The following PCDH9 variants were observed in gnomAD, a reference collection of about 807,000 sequenced individuals.
PCDH9 encodes the protein protocadherin-9.
A neutral mutation model predicts 70.6 loss-of-function variants in PCDH9; 24 were observed. The ratio of observed to expected loss-of-function variants is 0.34; its 90% CI spans 0.25 to 0.48. The LOEUF (loss-of-function observed/expected upper bound fraction) is 0.48, where lower values mean the gene tolerates loss of function less well. Among genes scored for constraint, PCDH9 ranks in the 20% least tolerant of loss-of-function variants. The pLI, the probability that PCDH9 is intolerant of heterozygous loss-of-function variation, is 0.99. For synonymous variants in PCDH9, 562 were observed against 558.5 expected (o/e 1.01, Z -0.09); for missense variants, 1,281 against 1,503.6 (o/e 0.85, Z 2.45).
In PCDH9 at chr13:67,228,295, A is replaced by T. The variant is rs1172867806; in HGVS notation, c.146T>A (p.Ile49Asn). Residue 49 changes from isoleucine to asparagine, a missense_variant, in exon 2 of 5, where the codon ATT (isoleucine) becomes AAT (asparagine). Around this residue, in one of 4 missense-constraint regions of PCDH9, gnomAD observed 798 missense variants for 1,003.1 expected, o/e 0.80. Transcript: ENST00000377865. Reference protein sequence around the residue: ...PIGNIPKDLNISHINAATGTS... With the variant: ...PIGNIPKDLNNSHINAATGTS... ...CCCTGTGGCAGCATTGATGTGAGAA[A>T]TGTTCAGATCCTTTGGTATGTTTCC... is the stretch of plus-strand genomic sequence containing the variant. 1 of 1,614,160 alleles carries T rather than the reference A, an allele frequency of 6.2e-7. No homozygotes were observed.
rs2089396971 is a variant in PCDH9 at position 67,208,252 on chromosome 13, T to C, written c.3036+17153A>G. 3 of 152,156 alleles carry C rather than the reference T, an allele frequency of 2.0e-5. No individual in the cohort carries two copies. In the South Asian group the frequency reaches 6.2e-4, roughly 31 times the overall value. The allele number at this position is 152,156 out of a possible 1,614,324, so 9.4% of individuals were successfully genotyped here. A position where few individuals can be genotyped will look rare whatever the true frequency, so the allele number is the denominator to read the frequency against. On this transcript the variant is annotated intron_variant, in intron 2 of 4. Coordinates refer to ENST00000377865, the MANE Select transcript of PCDH9 (RefSeq NM_203487.3). ...TATGCAAAAATCCTTGCGTGTTCAT[T>C]TGACACAAACTATTTTTTTGTTTTA... is the stretch of plus-strand genomic sequence containing the variant.
At position 66,304,816 on chromosome 13, in the gene PCDH9, C is replaced by G. The variant is rs1400805056; in HGVS notation, c.3553G>C (p.Glu1185Gln). The G allele has an allele frequency of 3.7e-6, 6 of 1,613,414 alleles. No homozygotes were observed. The Admixed American group carries it at 5.0e-5, about 13-fold the overall frequency. Reference protein sequence around the residue: ...NGHTLTRAWKEDSNRNQFNDR... With the variant: ...NGHTLTRAWKQDSNRNQFNDR... ...TTGAACTGGTTCCTGTTGCTGTCTT[C>G]TTTCCAGGCTCTGGTCAGGGTGTGC... Residue 1185 changes from glutamate to glutamine, a missense_variant, in exon 5 of 5, where the codon GAA (glutamate) becomes CAA (glutamine). Physicochemically the swap from Glu to Gln is conservative, Grantham distance 29. Coordinates refer to ENST00000377865, the MANE Select transcript of PCDH9 (RefSeq NM_203487.3).
intron 2 of PCDH9, among the ~76,000 whole-genome samples, chr13:66,952,802 G>A (rs1048779590): frequency 1.6e-4 from 25 of 151,974 alleles, no homozygotes; most frequent in Non-Finnish European, 1.0e-4. Context: ...GCAGGGGCAC[G>A]GAACTTAGGT....
chr13:66,799,196 G>T (rs1334555299), intron 3 of PCDH9, among the ~76,000 whole-genome samples: 3 of 152,080 alleles, frequency 2.0e-5, no homozygotes, highest in African/African-American at 7.2e-5. Flanking sequence ...TTGTTCTCTA[G>T]AAGCTCTGTG....
chr13:67,113,741 G>A (rs2086705604), intron 2 of PCDH9, among the ~76,000 whole-genome samples: 1 of 152,078 alleles, frequency 6.6e-6, no homozygotes. Context: ...TAGAGAGGGG[G>A]TTTCACTGCT....
chr13:66,523,676 T>C (rs1246068838), intron 4 of PCDH9, among the ~76,000 whole-genome samples: 8 of 151,344 alleles, frequency 5.3e-5, no homozygotes, highest in Admixed American at 5.3e-4. Context: ...GAGGGTGGAG[T>C]GTAGCATCAG....
chr13:66,695,715 T>C (rs12583568), intron 3 of PCDH9, among the ~76,000 whole-genome samples: 46,696 of 152,064 alleles, frequency 0.31, 8,184 homozygotes, highest in East Asian at 0.51. Flanking sequence ...TTTAGCTCTA[T>C]AAAAATATTT....
intron 3 of PCDH9, among the ~76,000 whole-genome samples, chr13:66,737,819 A>G (rs545886401): frequency 6.6e-5 from 10 of 152,230 alleles, no homozygotes; most frequent in African/African-American, 2.4e-4. Flanking sequence ...ACGAGACTAT[A>G]TCCCACACCT....
chr13:66,657,041 C>CT (rs1459254482), intron 3 of PCDH9, among the ~76,000 whole-genome samples: 1 of 152,126 alleles, frequency 6.6e-6, no homozygotes, highest in African/African-American at 2.4e-5. Flanking sequence ...AGACAAAAGC[C>CT]TATGTCCATT....
chr13:67,223,361 T>C (rs530149993), intron 2 of PCDH9: 1 of 152,200 alleles, frequency 6.6e-6, no homozygotes, highest in Non-Finnish European at 1.5e-5. Flanking sequence ...AATGCTAATA[T>C]CACCACGTAT....
At position 66,393,242 on chromosome 13, in the gene PCDH9, G is replaced by T. The variant is rs543974259; in HGVS notation, c.3341-88214C>A. On this transcript the variant is annotated intron_variant, in intron 4 of 4. Coordinates refer to ENST00000377865, the MANE Select transcript of PCDH9 (RefSeq NM_203487.3). ...ATAATAGAAAATTCAGAATACAGGT[G>T]GTATTTCATGTCTACAAGTAGCCAC... Among the ~76,000 whole-genome samples, 10 of 152,168 alleles carry T rather than the reference G, an allele frequency of 6.6e-5. No homozygotes were observed. The South Asian group carries it at 2.1e-3, about 32-fold the overall frequency.
At chr13:66,559,596 C>T (rs1007885905) in intron 4 of PCDH9, among the ~76,000 whole-genome samples, 4 of 151,646 alleles carry the variant, frequency 2.6e-5, no homozygotes, top group South Asian at 2.1e-4. Flanking sequence ...GTCATGAGAT[C>T]GAGACCATCC....
chr13:66,555,419 G>GA (rs4053724), intron 4 of PCDH9, among the ~76,000 whole-genome samples: 124,987 of 143,480 alleles, frequency 0.87, 54,622 homozygotes, highest in East Asian at 0.96. Flanking sequence ...ACATTCTGGG[G>GA]AAAAAAAAAA....
intron 3 of PCDH9, among the ~76,000 whole-genome samples, chr13:66,751,399 T>G (rs2079456437): frequency 6.6e-6 from 1 of 152,250 alleles, no homozygotes; most frequent in South Asian, 2.1e-4. Flanking sequence ...AATAATTCAC[T>G]TTTTAAAAGT....
chr13:66,715,000 G>T (rs2078850622), intron 3 of PCDH9, among the ~76,000 whole-genome samples: 1 of 152,080 alleles, frequency 6.6e-6, no homozygotes, highest in African/African-American at 2.4e-5. Flanking sequence ...GCCTCTACTG[G>T]AGACAGCATG....
At chr13:66,356,635 T>C (rs868430126) in intron 4 of PCDH9, among the ~76,000 whole-genome samples, 2 of 152,024 alleles carry the variant, frequency 1.3e-5, no homozygotes, top group African/African-American at 4.8e-5. Context: ...TGAAACAAAG[T>C]GCAAAAACAA....
intron 2 of PCDH9, among the ~76,000 whole-genome samples, chr13:67,079,788 C>A (rs914898300): frequency 6.6e-6 from 1 of 152,148 alleles, no homozygotes; most frequent in African/African-American, 2.4e-5. Flanking sequence ...CATGTATTCT[C>A]TCTGAAGGCT....
intron 3 of PCDH9, among the ~76,000 whole-genome samples, chr13:66,718,506 T>C (rs2078900104): frequency 6.6e-6 from 1 of 152,328 alleles, no homozygotes; most frequent in African/African-American, 2.4e-5. Flanking sequence ...TCCATGTTTA[T>C]GTGTATAACT....
intron 4 of PCDH9, among the ~76,000 whole-genome samples, chr13:66,392,797 A>T (rs1024893753): frequency 2.6e-5 from 4 of 152,062 alleles, no homozygotes; most frequent in African/African-American, 9.7e-5. Context: ...CCCCACCATG[A>T]CTGAGCTAAA....
Sources: gnomAD v4.1 joint callset for allele counts (sites outside exome capture counted in the v4.1 genomes callset) on GRCh38, gnomAD v4.1.1 for gene constraint, gnomAD v4.1.1 regional missense constraint, MANE v1.5 for transcripts, NCBI Gene and HGNC (gene_info 2026-07-23, HGNC 2026-07-21) for gene names.